The following SCGB2B2 variants were observed in gnomAD, a reference collection of about 807,000 sequenced individuals.
The protein encoded by SCGB2B2 is secretoglobin-like protein.
In SCGB2B2, 11 loss-of-function variants were observed where a neutral mutation model predicts 7.6. The ratio of observed to expected loss-of-function variants is 1.45; its 90% CI spans 0.91 to 2.40. The LOEUF is 2.40. Ranked by LOEUF, SCGB2B2 falls within the 30% of genes most tolerant of loss-of-function variation. SCGB2B2 has a pLI of 0.00. For missense variants in SCGB2B2, 104 were observed against 115.4 expected (o/e 0.90, Z 0.45); for synonymous variants, 50 against 48.6 (o/e 1.03, Z -0.12).
chr19:34,649,199 C>T (rs1484758060), intron 1 of SCGB2B2, among the ~76,000 whole-genome samples: 2 of 152,314 alleles, frequency 1.3e-5, no homozygotes, highest in East Asian at 3.9e-4. Context: ...AGCCACTGTG[C>T]CCAGCCTGGA....
intron 1 of SCGB2B2, among the ~76,000 whole-genome samples, chr19:34,601,668 A>G (rs2065626890): frequency 6.6e-6 from 1 of 152,278 alleles, no homozygotes; most frequent in South Asian, 2.1e-4. Context: ...TAATTATTCT[A>G]TATTGTTTTG....
chr19:34,664,137 G>T (rs1314895868), intron 1 of SCGB2B2, among the ~76,000 whole-genome samples: 1 of 152,214 alleles, frequency 6.6e-6, no homozygotes, highest in African/African-American at 2.4e-5. Flanking sequence ...GTGTCAACCT[G>T]GCTCCCACCT....
rs2067924414 is a variant in SCGB2B2, at chr19:34,675,991, A to C, written c.-2393T>G. On this transcript the variant is annotated 5_prime_UTR_variant, in exon 1 of 4. Transcript: ENST00000601241. ...AAAGGTAGTGCAGACCCAAAGAGCA[A>C]AAGAACAAACATCCCACACCTGGGA... 6.6e-6 allele frequency: 1 copy of C among 152,358 alleles called. No individual in the cohort carries two copies. Among genetic ancestry groups the C allele is most frequent in the Non-Finnish European group, 1.5e-5 (1 of 68,070 alleles). 9.4% of individuals were successfully genotyped at this position (152,358 alleles called of 1,614,324 possible). A position where few individuals can be genotyped will look rare whatever the true frequency, so the allele number is the denominator to read the frequency against.
At position 34,649,976 on chromosome 19, in the gene SCGB2B2, A is replaced by G. The variant is rs1022523086; in HGVS notation, c.-2032+25654T>C. Among the ~76,000 whole-genome samples the G allele has an allele frequency of 2.4e-4, 36 of 150,928 alleles. 2 individuals are homozygous for G. The highest frequency in any genetic ancestry group is 8.7e-4 in the African/African-American group (35 of 40,346). On this transcript the variant is annotated intron_variant, in intron 1 of 3. Coordinates refer to ENST00000601241, the MANE Select transcript of SCGB2B2 (RefSeq NM_001025591.4). The stretch of plus-strand genomic sequence containing the variant: ...TCAAGGGTGAACCCTCAGCCCCACC[A>G]TTTCCTCTTCCTCCACTCCTAAGTC...
At chr19:34,662,845 C>T (rs1382730514) in intron 1 of SCGB2B2, among the ~76,000 whole-genome samples, 14 of 152,142 alleles carry the variant, frequency 9.2e-5, no homozygotes, top group Admixed American at 2.6e-4. Flanking sequence ...ACAGGAGGAT[C>T]GCTTGAGCTC....
chr19:34,602,584 G>A (rs192143024), intron 1 of SCGB2B2, among the ~76,000 whole-genome samples: 200 of 152,184 alleles, frequency 1.3e-3, no homozygotes, highest in African/African-American at 4.6e-3. Context: ...AGATAAGGCG[G>A]GAAATGAAAA....
intron 1 of SCGB2B2, among the ~76,000 whole-genome samples, chr19:34,610,025 G>T (rs2065886022): frequency 6.6e-6 from 1 of 152,020 alleles, no homozygotes; most frequent in Non-Finnish European, 1.5e-5. Flanking sequence ...TTTTGGTAGA[G>T]ATCTTTCACC....
downstream of SCGB2B2, among the ~76,000 whole-genome samples, chr19:34,587,314 ATTTC>A (rs2065206168): frequency 6.6e-6 from 1 of 151,782 alleles, no homozygotes; most frequent in Non-Finnish European, 1.5e-5. Context: ...CACTTTCTTG[ATTTC>A]TTTCTTTTCT....
intron 1 of SCGB2B2, among the ~76,000 whole-genome samples, chr19:34,603,643 C>A (rs567149061): frequency 6.6e-6 from 1 of 152,210 alleles, no homozygotes; most frequent in East Asian, 1.9e-4. Flanking sequence ...AGAGCCTAGG[C>A]CTGCTGTTCA....
At chr19:34,604,130 C>T (rs958327798) in intron 1 of SCGB2B2, among the ~76,000 whole-genome samples, 7 of 152,070 alleles carry the variant, frequency 4.6e-5, no homozygotes, top group Non-Finnish European at 1.0e-4. Flanking sequence ...TTTACATGAT[C>T]CTAATCATGT....
intron 1 of SCGB2B2, among the ~76,000 whole-genome samples, chr19:34,660,093 C>G (rs372693392): frequency 4.6e-5 from 7 of 151,346 alleles, no homozygotes; most frequent in African/African-American, 1.5e-4. Flanking sequence ...GTAGAAAGCT[C>G]AAACTGGATC....
rs559847727 is a variant in SCGB2B2, at chr19:34,666,925, T to C, written c.-2032+8705A>G. ...GCAGCTCGTGACCGTCATGAACCAG[T>C]TTCTGACCGAGGACAAGGACACCTA... On this transcript the variant is annotated intron_variant, in intron 1 of 3. Coordinates refer to ENST00000601241, the MANE Select transcript of SCGB2B2 (RefSeq NM_001025591.4). Among the ~76,000 whole-genome samples the C allele has an allele frequency of 5.3e-5, 8 of 151,940 alleles. No individual in the cohort carries two copies. The South Asian group carries it at 1.5e-3, about 28-fold the overall frequency.
chr19:34,607,581 T>C (rs940385578), intron 1 of SCGB2B2, among the ~76,000 whole-genome samples: 1 of 152,240 alleles, frequency 6.6e-6, no homozygotes, highest in Non-Finnish European at 1.5e-5. Flanking sequence ...TGCACAAGGG[T>C]TCCAATTTCT....
intron 1 of SCGB2B2, among the ~76,000 whole-genome samples, chr19:34,608,356 A>T (rs2065835957): frequency 2.0e-5 from 3 of 151,594 alleles, no homozygotes; most frequent in South Asian, 2.1e-4. Flanking sequence ...ATAAATTGTT[A>T]ATTATGCTCA....
Position 34,616,674 on chromosome 19 carries a change from A to T in SCGB2B2, c.-2031-20080T>A, listed in dbSNP as rs1416243349. ...GATGGTAGTTTCTTTTGCTGTGCAGAAGCTCTTTAGTTTAATTAGATCCCA... is the reference window on the plus strand; with the variant it reads ...GATGGTAGTTTCTTTTGCTGTGCAGTAGCTCTTTAGTTTAATTAGATCCCA... On this transcript the variant is annotated intron_variant, in intron 1 of 3. Transcript: ENST00000601241. Among the ~76,000 whole-genome samples the T allele has an allele frequency of 2.2e-5, 3 of 138,750 alleles. No homozygotes were observed. The South Asian group carries it at 7.3e-4, about 34-fold the overall frequency. The allele number at this position is 138,750 out of a possible 152,430, so 91.0% of individuals were successfully genotyped here.
At chr19:34,668,312 G>C (rs1350162428) in intron 1 of SCGB2B2, among the ~76,000 whole-genome samples, 2 of 152,116 alleles carry the variant, frequency 1.3e-5, no homozygotes, top group African/African-American at 4.8e-5. Context: ...CTGCCTGCCC[G>C]GGCAGTGAGG....
At chr19:34,670,099 T>C (rs1339085878) in intron 1 of SCGB2B2, among the ~76,000 whole-genome samples, 2 of 152,082 alleles carry the variant, frequency 1.3e-5, no homozygotes, top group Non-Finnish European at 2.9e-5. Flanking sequence ...GAGAGTTGGA[T>C]AAAGAGGTAA....
intron 1 of SCGB2B2, among the ~76,000 whole-genome samples, chr19:34,627,116 C>T (rs1171982157): frequency 6.6e-6 from 1 of 152,156 alleles, no homozygotes; most frequent in African/African-American, 2.4e-5. Context: ...AAGCACTAAA[C>T]ATGGAAAGGA....
At chr19:34,674,968 A>G (rs1271192658) in intron 1 of SCGB2B2, among the ~76,000 whole-genome samples, 2 of 152,190 alleles carry the variant, frequency 1.3e-5, no homozygotes, top group East Asian at 3.8e-4. Context: ...GCATTTTAAT[A>G]TTAAAAAGGT....
Sources: allele counts gnomAD v4.1 joint callset (sites outside exome capture counted in the v4.1 genomes callset), GRCh38; gene constraint gnomAD v4.1.1; transcripts MANE v1.5; gene names NCBI Gene and HGNC (gene_info 2026-07-23, HGNC 2026-07-21).